The following RASA3 variants were observed in gnomAD, a reference collection of about 807,000 sequenced individuals.
The protein encoded by RASA3 is ras GTPase-activating protein 3.
A neutral mutation model predicts 110.0 loss-of-function variants in RASA3; 73 were observed. The observed-to-expected ratio is 0.66, with a 90% CI of 0.55 to 0.81. The LOEUF (loss-of-function observed/expected upper bound fraction) is 0.81, where lower values mean the gene tolerates loss of function less well. Among genes scored for constraint, RASA3 ranks in the 30% least tolerant of loss-of-function variants. The pLI is 0.00. For synonymous variants in RASA3, 500 were observed against 451.4 expected, an observed-to-expected ratio of 1.11 and a Z score of -1.37; for missense variants, 976 against 1,113.2, an observed-to-expected ratio of 0.88 and a Z score of 1.75.
At chr13:114,068,629 G>A (rs894197596) in intron 2 of RASA3, among the ~76,000 whole-genome samples, 7 of 152,120 alleles carry the variant, frequency 4.6e-5, no homozygotes, top group Non-Finnish European at 1.0e-4. Flanking sequence ...GGGAGGTCCA[G>A]GGCGGGAAGC....
At position 114,018,944 on chromosome 13, in the gene RASA3, G is replaced by T. The variant is rs773561360; in HGVS notation, c.786-25C>A. On this transcript the variant is annotated intron_variant, in intron 9 of 23. Coordinates refer to ENST00000334062, the MANE Select transcript of RASA3 (RefSeq NM_007368.4). ...CCTGGGTGGGAGGGACACATGGAGG[G>T]GAGGCATGAGGCTGCATCTGCCAAG... 6.2e-6 allele frequency: 10 copies of T among 1,612,554 alleles called. No individual in the cohort carries two copies. In the South Asian group the frequency reaches 9.9e-5, roughly 16 times the overall value.
chr13:114,096,242 G>A lies in RASA3; in HGVS notation c.56-22405C>T, dbSNP rs1413327234. On this transcript the variant is annotated intron_variant, in intron 1 of 23. Transcript: ENST00000334062. This position sits in a 1 kb window ranked among gnomAD's most constrained non-coding sequence, Gnocchi z 5.1. ...AGGCCCACCCCGGCGTGCTGCCTGG[G>A]AGTCCACGTTCTCGAAAATGCAGGG... Among the ~76,000 whole-genome samples the A allele has an allele frequency of 6.6e-6, 1 of 152,204 alleles. No homozygotes were observed. Among genetic ancestry groups the A allele is most frequent in the Admixed American group, 6.5e-5 (1 of 15,286 alleles).
chr13:114,064,740 C>A (rs2079416863), intron 2 of RASA3, among the ~76,000 whole-genome samples: 1 of 152,254 alleles, frequency 6.6e-6, no homozygotes, highest in Admixed American at 6.5e-5. Context: ...AGCAGCTTAA[C>A]CTCGGGGTAT....
At chr13:113,996,889 C>T in intron 20 of RASA3, 150 bp from the exon 21 acceptor site, 2 of 677,970 alleles carry the variant, frequency 2.9e-6, no homozygotes, top group Non-Finnish European at 5.0e-6. Flanking sequence ...GCTCTAAGCC[C>T]CAGAAGAGGC....
At chr13:114,077,786 G>A (rs1390224125) in intron 1 of RASA3, 38 of 973,280 alleles carry the variant, frequency 3.9e-5, no homozygotes, top group South Asian at 4.8e-5. Flanking sequence ...CTCCCCGCCC[G>A]ATGGCCCCGT....
At chr13:114,121,988 C>T (rs1210854183) in intron 1 of RASA3, among the ~76,000 whole-genome samples, 1 of 152,234 alleles carries the variant, frequency 6.6e-6, no homozygotes, top group Non-Finnish European at 1.5e-5. Context: ...GAGGCTCCTA[C>T]CTCCAGCCAC....
intron 2 of RASA3, among the ~76,000 whole-genome samples, chr13:114,062,654 G>A (rs542299246): frequency 5.3e-5 from 8 of 151,342 alleles, no homozygotes; most frequent in Middle Eastern, 3.4e-3. Flanking sequence ...ACTCGGACAC[G>A]CGTGCTCACA....
At chr13:114,116,387 G>T (rs1022957154) in intron 1 of RASA3, among the ~76,000 whole-genome samples, 4 of 151,888 alleles carry the variant, frequency 2.6e-5, no homozygotes, top group Non-Finnish European at 5.9e-5. Flanking sequence ...TAAACATGCC[G>T]CATTCTGAGG....
At chr13:114,009,806 T>C (rs2053593584) in intron 16 of RASA3, among the ~76,000 whole-genome samples, 1 of 152,206 alleles carries the variant, frequency 6.6e-6, no homozygotes, top group Non-Finnish European at 1.5e-5. Context: ...CCTGGGAACC[T>C]GGAGTCATAG....
intron 9 of RASA3, among the ~76,000 whole-genome samples, chr13:114,019,912 T>C (rs1205374196): frequency 3.2e-5 from 1 of 31,032 alleles, no homozygotes; most frequent in African/African-American, 2.6e-4. Context: ...AGCAGCCCTG[T>C]CAGGTGGGTG....
At chr13:114,005,647 G>A (rs77919337) in intron 18 of RASA3, among the ~76,000 whole-genome samples, 2,485 of 152,272 alleles carry the variant, frequency 0.016, 69 homozygotes, top group African/African-American at 0.056. Context: ...AAATCACAAG[G>A]CTGCTGGCCA....
chr13:114,017,979 C>T, intron 11 of RASA3, 125 bp downstream of exon 11: 1 of 1,111,592 alleles, frequency 9.0e-7, no homozygotes, highest in South Asian at 2.2e-5. Flanking sequence ...CCTGAATCAA[C>T]ATGGTTTCTG....
At position 114,013,908 on chromosome 13, in the gene RASA3, C is replaced by G. The variant is rs1198278899; in HGVS notation, c.1406-660G>C. ...TGTCTCTCTCTTTTTCTCTCTTTCTCTGTCTCTCTCTCTCCGTCTCTCTCT... is the reference window on the plus strand; with the variant it reads ...TGTCTCTCTCTTTTTCTCTCTTTCTGTGTCTCTCTCTCTCCGTCTCTCTCT... On this transcript the variant is annotated intron_variant, in intron 14 of 23. Coordinates refer to ENST00000334062, the MANE Select transcript of RASA3 (RefSeq NM_007368.4). Among the ~76,000 whole-genome samples, 1,038 of 106,862 alleles carry G rather than the reference C, an allele frequency of 9.7e-3. 59 individuals are homozygous for G. Among genetic ancestry groups the G allele is most frequent in the Non-Finnish European group, 9.3e-3 (480 of 51,388 alleles). The allele number at this position is 106,862 out of a possible 152,430, so 70.1% of individuals were successfully genotyped here.
rs541510286 is a variant in RASA3, at chr13:114,092,968, A to G, written c.56-19131T>C. 2.6e-5 allele frequency among the ~76,000 whole-genome samples: 4 copies of G among 152,328 alleles called. No homozygotes were observed. The South Asian group carries it at 8.3e-4, about 32-fold the overall frequency. ...ATAACAAGTTATTAAAACTGATACC[A>G]ACTTACCTTTGATTGTAAAAAAAAG... is the stretch of plus-strand genomic sequence containing the variant. On this transcript the variant is annotated intron_variant, in intron 1 of 23. Coordinates refer to ENST00000334062, the MANE Select transcript of RASA3 (RefSeq NM_007368.4).
At chr13:114,063,695 C>T (rs893044916) in intron 2 of RASA3, among the ~76,000 whole-genome samples, 4 of 152,188 alleles carry the variant, frequency 2.6e-5, no homozygotes, top group Admixed American at 1.3e-4. Context: ...ACCCTGGGAA[C>T]GCAGATCTGT....
Position 113,978,994 on chromosome 13 carries a change from A to G in RASA3, c.*353T>C. 3.1e-6 allele frequency: 1 copy of G among 324,220 alleles called. No homozygotes were observed. Among genetic ancestry groups the G allele is most frequent in the South Asian group, 3.6e-5 (1 of 27,720 alleles). The allele number at this position is 324,220 out of a possible 1,614,324, so 20.1% of individuals were successfully genotyped here. ...CTGACGCACACACGGCCGGAGGTGC[A>G]TGTCACAGTCGACTAGACGGGCCGT... On this transcript the variant is annotated 3_prime_UTR_variant, in exon 24 of 24. Transcript: ENST00000334062.
intron 8 of RASA3, among the ~76,000 whole-genome samples, chr13:114,023,346 C>T (rs972117694): frequency 1.3e-5 from 2 of 151,030 alleles, no homozygotes; most frequent in African/African-American, 4.9e-5. Context: ...GCATCCCAGG[C>T]TCGGGGGCAT....
intron 4 of RASA3, among the ~76,000 whole-genome samples, chr13:114,039,980 A>G (rs2054363442): frequency 6.6e-6 from 1 of 152,226 alleles, no homozygotes; most frequent in Non-Finnish European, 1.5e-5. Flanking sequence ...GTGCCAGGCA[A>G]CAGCCCGCCC....
At chr13:114,025,892 A>G in intron 7 of RASA3, among the ~76,000 whole-genome samples, 1 of 152,148 alleles carries the variant, frequency 6.6e-6, no homozygotes, top group Non-Finnish European at 1.5e-5. Context: ...GGTCAGAAGC[A>G]GCTGAAGCCG....
Sources: gnomAD v4.1 joint callset for allele counts (sites outside exome capture counted in the v4.1 genomes callset) on GRCh38, gnomAD v4.1.1 for gene constraint, Gnocchi (gnomAD v3.1) non-coding constraint, MANE v1.5 for transcripts, NCBI Gene and HGNC (gene_info 2026-07-23, HGNC 2026-07-21) for gene names.